The following PDE10A variants were observed in gnomAD, a reference collection of about 807,000 sequenced individuals.
PDE10A encodes the protein phosphodiesterase 10A.
In PDE10A, 39 loss-of-function variants were observed where a neutral mutation model predicts 97.7. The observed-to-expected ratio is 0.40, with a 90% CI of 0.31 to 0.52. The LOEUF (loss-of-function observed/expected upper bound fraction) is 0.52, where lower values mean the gene tolerates loss of function less well. Among genes scored for constraint, PDE10A ranks in the 20% least tolerant of loss-of-function variants. The pLI is 0.56. For synonymous variants in PDE10A, 371 were observed against 376.8 expected (o/e 0.98, Z 0.18); for missense variants, 731 against 1,047.8 (o/e 0.70, Z 4.17).
chr6:165,729,262 C>A (rs922023351), intron 1 of PDE10A, among the ~76,000 whole-genome samples: 2 of 151,784 alleles, frequency 1.3e-5, no homozygotes, highest in Non-Finnish European at 2.9e-5. Context: ...GAATATCAAC[C>A]TTTTTCAAAT....
intron 1 of PDE10A, among the ~76,000 whole-genome samples, chr6:165,716,282 T>A (rs952071256): frequency 6.6e-6 from 1 of 152,244 alleles, no homozygotes; most frequent in Non-Finnish European, 1.5e-5. Flanking sequence ...CTTTACAGCA[T>A]CTTCCTCTCT....
At chr6:165,826,777 GA>G (rs1179652134) in intron 1 of PDE10A, among the ~76,000 whole-genome samples, 2 of 145,686 alleles carry the variant, frequency 1.4e-5, no homozygotes, top group Admixed American at 1.4e-4. Flanking sequence ...GTGCGGTTGG[GA>G]GGGGGGACGC....
At position 165,401,498 on chromosome 6, in the gene PDE10A, C is replaced by A. The variant is rs183821615; in HGVS notation, c.2077-5039G>T. On this transcript the variant is annotated intron_variant, in intron 13 of 21. Coordinates refer to ENST00000539869, the MANE Select transcript of PDE10A (RefSeq NM_001385079.1). ...TCTTTTTGTGAAAGAAGCATGTATACCTAATTTATTAACTGAACAACTGTA... is the reference window on the plus strand; with the variant it reads ...TCTTTTTGTGAAAGAAGCATGTATAACTAATTTATTAACTGAACAACTGTA... Among the ~76,000 whole-genome samples, 287 of 152,296 alleles carry A rather than the reference C, an allele frequency of 1.9e-3. 2 individuals carry two copies. Among genetic ancestry groups the A allele is most frequent in the Middle Eastern group, 6.8e-3 (2 of 294 alleles).
At chr6:165,890,500 A>C (rs1296109032) in intron 1 of PDE10A, among the ~76,000 whole-genome samples, 1 of 152,172 alleles carries the variant, frequency 6.6e-6, no homozygotes, top group African/African-American at 2.4e-5. Context: ...CCTCATTAGA[A>C]GCTGCTGAGT....
At chr6:165,392,236 T>C (rs1785775958) in intron 16 of PDE10A, among the ~76,000 whole-genome samples, 1 of 152,218 alleles carries the variant, frequency 6.6e-6, no homozygotes. Context: ...TTAGTTTCCT[T>C]ATGCTAGAGG....
At chr6:165,845,296 A>G (rs1252892031) in intron 1 of PDE10A, among the ~76,000 whole-genome samples, 1 of 152,248 alleles carries the variant, frequency 6.6e-6, no homozygotes, top group Admixed American at 6.5e-5. Flanking sequence ...TTAGCAACAA[A>G]TGTTTTTACT....
chr6:165,335,218 T>C (rs1450179538), intron 21 of PDE10A, among the ~76,000 whole-genome samples: 1 of 152,198 alleles, frequency 6.6e-6, no homozygotes, highest in Admixed American at 6.5e-5. Flanking sequence ...CTAGAAGAGA[T>C]AACGATGCTT....
chr6:165,732,131 C>T (rs1054329281), intron 1 of PDE10A, among the ~76,000 whole-genome samples: 5 of 152,210 alleles, frequency 3.3e-5, no homozygotes, highest in Non-Finnish European at 1.5e-5. Flanking sequence ...ATCCTTTGCT[C>T]AGCTGAAGTG....
At chr6:165,491,791 C>T (rs1780242359) in intron 2 of PDE10A, among the ~76,000 whole-genome samples, 1 of 151,878 alleles carries the variant, frequency 6.6e-6, no homozygotes, top group Non-Finnish European at 1.5e-5. Context: ...TAAGGTCACA[C>T]CTCAAGGAGC....
chr6:165,540,048 C>T (rs191586338), intron 2 of PDE10A, among the ~76,000 whole-genome samples: 1 of 152,286 alleles, frequency 6.6e-6, no homozygotes, highest in Admixed American at 6.5e-5. Context: ...TGTAGCGACC[C>T]TCAGGCTATT....
rs1245840011 is a variant in PDE10A, at chr6:165,327,895, G to T, written c.*5130C>A. The T allele has an allele frequency of 6.6e-6, 1 of 152,180 alleles. No homozygotes were observed. The highest frequency in any genetic ancestry group is 2.4e-5 in the African/African-American group (1 of 41,432). 9.4% of individuals were successfully genotyped at this position (152,180 alleles called of 1,614,324 possible). A position where few individuals can be genotyped will look rare whatever the true frequency, so the allele number is the denominator to read the frequency against. ...GGCATATAACCTGTGTTACTCTCCAGTAGTTTTTGGTCAGCAAGATTATCA... is the reference window on the plus strand; with the variant it reads ...GGCATATAACCTGTGTTACTCTCCATTAGTTTTTGGTCAGCAAGATTATCA... On this transcript the variant is annotated 3_prime_UTR_variant, in exon 22 of 22. Coordinates refer to ENST00000539869, the MANE Select transcript of PDE10A (RefSeq NM_001385079.1).
chr6:165,553,253 A>C (rs1784102239), intron 1 of PDE10A, among the ~76,000 whole-genome samples: 1 of 152,108 alleles, frequency 6.6e-6, no homozygotes, highest in African/African-American at 2.4e-5. Context: ...TTTTTTTTAA[A>C]GGCAAAGTCA....
At chr6:165,815,606 A>G (rs966162277) in intron 1 of PDE10A, among the ~76,000 whole-genome samples, 15 of 152,190 alleles carry the variant, frequency 9.9e-5, no homozygotes, top group African/African-American at 3.1e-4. Context: ...TGGACGGCCA[A>G]TGAAGAAGAG....
rs565531184 is a variant in PDE10A at position 165,613,945 on chromosome 6, C to T, written c.865+48002G>A. On this transcript the variant is annotated intron_variant, in intron 1 of 21. Transcript: ENST00000539869. ...TTCCTTCCTTCTCCATTCCCCTTCT[C>T]GCTGACAGTCACGCATCATTCACCC... is the stretch of plus-strand genomic sequence containing the variant. 1.1e-4 allele frequency among the ~76,000 whole-genome samples: 16 copies of T among 152,244 alleles called. No homozygotes were observed. The East Asian group carries it at 2.7e-3, about 26-fold the overall frequency.
intron 1 of PDE10A, among the ~76,000 whole-genome samples, chr6:165,942,063 G>T (rs1421149111): frequency 6.6e-6 from 1 of 152,128 alleles, no homozygotes; most frequent in African/African-American, 2.4e-5. Flanking sequence ...ATGTGACTCT[G>T]CCCCTCAGGC....
At chr6:165,700,767 C>T (rs1162179080) in intron 1 of PDE10A, among the ~76,000 whole-genome samples, 1 of 152,212 alleles carries the variant, frequency 6.6e-6, no homozygotes, top group Non-Finnish European at 1.5e-5. Context: ...TTCTTCATAT[C>T]ACTAGGCGGT....
intron 1 of PDE10A, among the ~76,000 whole-genome samples, chr6:165,682,765 T>A (rs4709963): frequency 0.86 from 131,164 of 152,188 alleles, 56,768 homozygotes; most frequent in South Asian, 0.92. Context: ...TGAATGGACT[T>A]AGCCATCTAT....
intron 1 of PDE10A, among the ~76,000 whole-genome samples, chr6:165,874,107 C>T (rs1222139011): frequency 1.3e-5 from 2 of 152,176 alleles, no homozygotes; most frequent in South Asian, 2.1e-4. Flanking sequence ...ATGAAAACAG[C>T]CAGAACTGAT....
chr6:165,629,467 A>G (rs1443994636), intron 1 of PDE10A, among the ~76,000 whole-genome samples: 6 of 152,124 alleles, frequency 3.9e-5, no homozygotes, highest in African/African-American at 1.4e-4. Flanking sequence ...TTGTTTTGTT[A>G]ATTAGATATA....
Sources: allele counts gnomAD v4.1 joint callset (sites outside exome capture counted in the v4.1 genomes callset), GRCh38; gene constraint gnomAD v4.1.1; transcripts MANE v1.5; gene names NCBI Gene and HGNC (gene_info 2026-07-23, HGNC 2026-07-21).